The following KCNQ1 variants were observed in gnomAD, a reference collection of about 807,000 sequenced individuals.
KCNQ1 encodes the protein potassium voltage-gated channel subfamily KQT member 1.
Under a neutral mutation model 72.4 loss-of-function variants are expected in KCNQ1, and 49 were observed. The ratio of observed to expected loss-of-function variants is 0.68; its 90% CI spans 0.54 to 0.86. KCNQ1 has a LOEUF of 0.86. Ranked by LOEUF, KCNQ1 falls within the 40% of genes least tolerant of loss-of-function variation. The pLI is 0.00. For missense variants in KCNQ1, 790 were observed against 945.1 expected (o/e 0.84, Z 2.15); for synonymous variants, 450 against 412.6 (o/e 1.09, Z -1.10).
chr11:2,467,953 C>T (rs1846375904), intron 1 of KCNQ1, among the ~76,000 whole-genome samples: 1 of 152,212 alleles, frequency 6.6e-6, no homozygotes. Context: ...TGGGCTGGCC[C>T]AGCGTGGGGA....
chr11:2,460,725 A>AC (rs1265489783), intron 1 of KCNQ1, among the ~76,000 whole-genome samples: 1 of 151,730 alleles, frequency 6.6e-6, no homozygotes, highest in Non-Finnish European at 1.5e-5. Context: ...GGTGGGAGCA[A>AC]CCCCCCATCC....
intron 11 of KCNQ1, among the ~76,000 whole-genome samples, chr11:2,757,325 C>G (rs1321233023): frequency 6.6e-6 from 1 of 152,086 alleles, no homozygotes; most frequent in Non-Finnish European, 1.5e-5. Context: ...ATACCATTTA[C>G]AATTGCGCTA....
rs904033253 is a variant in KCNQ1 at position 2,486,650 on chromosome 11, A to G, written c.386+41166A>G. On this transcript the variant is annotated intron_variant, in intron 1 of 15. Coordinates refer to ENST00000155840, the MANE Select transcript of KCNQ1 (RefSeq NM_000218.3). The surrounding 1 kb of genome is among the most constrained non-coding windows in gnomAD (Gnocchi z 5.0). Reference sequence around the variant, plus strand: ...TATGGTTCTGCAGGCTGTACAAGAAACATGGTGCCAGCACCTGCTTCTGGC... The same window carrying G: ...TATGGTTCTGCAGGCTGTACAAGAAGCATGGTGCCAGCACCTGCTTCTGGC... Among the ~76,000 whole-genome samples the G allele has an allele frequency of 1.4e-4, 21 of 152,242 alleles. No homozygotes were observed. Among genetic ancestry groups the G allele is most frequent in the African/African-American group, 5.1e-4 (21 of 41,476 alleles).
intron 2 of KCNQ1, among the ~76,000 whole-genome samples, chr11:2,533,559 A>T (rs1260842756): frequency 2.0e-5 from 3 of 152,110 alleles, no homozygotes; most frequent in Admixed American, 1.3e-4. Flanking sequence ...GTGTGCACTC[A>T]GTGTACGTGT....
At position 2,497,001 on chromosome 11, in the gene KCNQ1, C is replaced by A. The variant is rs1398957982; in HGVS notation, c.387-30927C>A. Reference sequence around the variant, plus strand: ...AATGTTGAATATTGGCTCCCACTCTCTTCTGGCTTGTAGGGTTTCTGCAGA... The same window carrying A: ...AATGTTGAATATTGGCTCCCACTCTATTCTGGCTTGTAGGGTTTCTGCAGA... On this transcript the variant is annotated intron_variant, in intron 1 of 15. Coordinates refer to ENST00000155840, the MANE Select transcript of KCNQ1 (RefSeq NM_000218.3). This position sits in a 1 kb window ranked among gnomAD's most constrained non-coding sequence, Gnocchi z 4.5. Among the ~76,000 whole-genome samples the A allele has an allele frequency of 1.3e-5, 2 of 152,320 alleles. No individual in the cohort carries two copies. Among genetic ancestry groups the A allele is most frequent in the East Asian group, 3.9e-4 (2 of 5,188 alleles).
At chr11:2,846,194 G>A (rs1446243158) in intron 15 of KCNQ1, among the ~76,000 whole-genome samples, 1 of 152,152 alleles carries the variant, frequency 6.6e-6, no homozygotes, top group African/African-American at 2.4e-5. Context: ...TGGAGTGCAC[G>A]GCCAGGTGGA....
In KCNQ1 at chr11:2,458,683, G is replaced by GGATGGATCGATC. The variant is rs1391224442; in HGVS notation, c.386+13202_386+13203insGGATCGATCGAT. 2.4e-5 allele frequency among the ~76,000 whole-genome samples: 3 copies of GGATGGATCGATC among 127,290 alleles called. No individual in the cohort carries two copies. Among genetic ancestry groups the GGATGGATCGATC allele is most frequent in the African/African-American group, 6.4e-5 (2 of 31,172 alleles). The allele number at this position is 127,290 out of a possible 152,430, so 83.5% of individuals were successfully genotyped here. ...TGGATGGATGGATGGATGGATGGATGGATCGATCGATCTCACCAAGCCTCG... is the reference window on the plus strand; with the variant it reads ...TGGATGGATGGATGGATGGATGGATGGATGGATCGATCGATCGATCGATCTCACCAAGCCTCG... On this transcript the variant is annotated intron_variant, in intron 1 of 15. Transcript: ENST00000155840. This position sits in a 1 kb window ranked among gnomAD's most constrained non-coding sequence, Gnocchi z 4.6.
chr11:2,510,415 T>TG, intron 1 of KCNQ1, among the ~76,000 whole-genome samples: 1 of 152,296 alleles, frequency 6.6e-6, no homozygotes. Context: ...CTGACCTGCC[T>TG]GGGCAACATG....
Position 2,824,749 on chromosome 11 carries a change from C to T in KCNQ1, c.1795-23018C>T, listed in dbSNP as rs998443450. 2.0e-5 allele frequency among the ~76,000 whole-genome samples: 3 copies of T among 151,492 alleles called. No homozygotes were observed. Among genetic ancestry groups the T allele is most frequent in the African/African-American group, 4.8e-5 (2 of 41,314 alleles). ...GGAGCTTGGGCATCCTAGAGGCCCC[C>T]GGGACAGCTTTGAGGAAGGAACGTC... On this transcript the variant is annotated intron_variant, in intron 15 of 15. Transcript: ENST00000155840. The surrounding 1 kb of genome is among the most constrained non-coding windows in gnomAD (Gnocchi z 5.9).
At position 2,543,960 on chromosome 11, in the gene KCNQ1, T is replaced by C. The variant is rs1178078163; in HGVS notation, c.477+15942T>C. 1.3e-5 allele frequency among the ~76,000 whole-genome samples: 2 copies of C among 152,240 alleles called. No homozygotes were observed. Among genetic ancestry groups the C allele is most frequent in the Non-Finnish European group, 2.9e-5 (2 of 68,036 alleles). On this transcript the variant is annotated intron_variant, in intron 2 of 15. Transcript: ENST00000155840. The surrounding 1 kb of genome is among the most constrained non-coding windows in gnomAD (Gnocchi z 5.6). ...ACTGTGATCCGTTGATCTGTCCTTT[T>C]GCCAGTCACACACTGGGATTGTTAC... is the stretch of plus-strand genomic sequence containing the variant.
intron 1 of KCNQ1, among the ~76,000 whole-genome samples, chr11:2,524,240 C>G (rs1847454499): frequency 6.6e-6 from 1 of 152,134 alleles, no homozygotes. Flanking sequence ...TATCCCTGCT[C>G]ACGTGCACCA....
intron 2 of KCNQ1, among the ~76,000 whole-genome samples, chr11:2,534,591 C>A (rs1207389923): frequency 1.3e-5 from 2 of 152,242 alleles, no homozygotes; most frequent in East Asian, 3.9e-4. Context: ...CAACTCCCCA[C>A]TAGACTGGTT....
intron 1 of KCNQ1, among the ~76,000 whole-genome samples, chr11:2,487,098 C>T (rs1380727692): frequency 1.3e-5 from 2 of 152,128 alleles, no homozygotes; most frequent in East Asian, 3.8e-4. Context: ...ATGTGGATTT[C>T]CAGTTTTCCC....
intron 8 of KCNQ1, among the ~76,000 whole-genome samples, chr11:2,586,307 C>G (rs1337125942): frequency 6.6e-6 from 1 of 152,250 alleles, no homozygotes; most frequent in African/African-American, 2.4e-5. Context: ...AGTCGCAGTC[C>G]TCCTGCACTC....
At position 2,659,242 on chromosome 11, in the gene KCNQ1, G is replaced by C. The variant is rs1386793603; in HGVS notation, c.1394-2719G>C. 1 of 398,572 alleles carries C rather than the reference G, an allele frequency of 2.5e-6. No homozygotes were observed. The highest frequency in any genetic ancestry group is 4.4e-6 in the Non-Finnish European group (1 of 226,052). The allele number at this position is 398,572 out of a possible 1,614,324, so 24.7% of individuals were successfully genotyped here. On this transcript the variant is annotated intron_variant, in intron 10 of 15. Transcript: ENST00000155840. The surrounding 1 kb of genome is among the most constrained non-coding windows in gnomAD (Gnocchi z 4.3). ...TTCCATACCCCTAAAAATACCCTGG[G>C]GTGAGTCTTTTGAAGTCAAGTACTT...
intron 15 of KCNQ1, among the ~76,000 whole-genome samples, chr11:2,799,373 C>CAA (rs1348147559): frequency 3.2e-5 from 4 of 124,804 alleles, no homozygotes; most frequent in East Asian, 1.0e-3. Context: ...GCTGTAAGTT[C>CAA]GAGTGTGTGT....
intron 11 of KCNQ1, among the ~76,000 whole-genome samples, chr11:2,729,608 T>C (rs1419531882): frequency 6.6e-6 from 1 of 152,258 alleles, no homozygotes; most frequent in East Asian, 1.9e-4. Context: ...ACAGGCTTTT[T>C]GTCTTGTCGT....
At chr11:2,557,879 G>C (rs146462472) in intron 2 of KCNQ1, among the ~76,000 whole-genome samples, 1 of 152,200 alleles carries the variant, frequency 6.6e-6, no homozygotes, top group Non-Finnish European at 1.5e-5. Context: ...TAATGGAGTT[G>C]TTTTGTTCCC....
In KCNQ1 at chr11:2,550,425, G is replaced by T. The variant is rs116664430; in HGVS notation, c.478-20203G>T. Among the ~76,000 whole-genome samples, 1 of 152,178 alleles carries T rather than the reference G, an allele frequency of 6.6e-6. No homozygotes were observed. The highest frequency in any genetic ancestry group is 1.5e-5 in the Non-Finnish European group (1 of 68,014). On this transcript the variant is annotated intron_variant, in intron 2 of 15. Coordinates refer to ENST00000155840, the MANE Select transcript of KCNQ1 (RefSeq NM_000218.3). The surrounding 1 kb of genome is among the most constrained non-coding windows in gnomAD (Gnocchi z 6.0). Reference sequence around the variant, plus strand: ...TGGGAGAAGCCCACGTTCTGGGAGCGTCGCAGTGGCCCAGACACCCATGTT... The same window carrying T: ...TGGGAGAAGCCCACGTTCTGGGAGCTTCGCAGTGGCCCAGACACCCATGTT...
Sources: gnomAD v4.1 joint callset for allele counts (sites outside exome capture counted in the v4.1 genomes callset) on GRCh38, gnomAD v4.1.1 for gene constraint, Gnocchi (gnomAD v3.1) non-coding constraint, MANE v1.5 for transcripts, NCBI Gene and HGNC (gene_info 2026-07-23, HGNC 2026-07-21) for gene names.